Variants in GRIA2 observed in about 807,000 individuals in gnomAD.
GRIA2 encodes glutamate ionotropic receptor AMPA type subunit 2, also known as glutamate receptor 2.
A neutral mutation model predicts 97.3 loss-of-function variants in GRIA2; 14 were observed. The ratio of observed to expected loss-of-function variants is 0.14; its 90% CI spans 0.10 to 0.23. The LOEUF (loss-of-function observed/expected upper bound fraction) is 0.23. Among genes scored for constraint, GRIA2 ranks in the 10% least tolerant of loss-of-function variants. GRIA2 has a pLI of 1.00. For synonymous variants in GRIA2, 412 were observed against 387.8 expected, an observed-to-expected ratio of 1.06 and a Z score of -0.73; for missense variants, 558 against 1,069.8, an observed-to-expected ratio of 0.52 and a Z score of 6.67.
chr4:157,255,118 T>A (rs981477573), intron 2 of GRIA2, among the ~76,000 whole-genome samples: 4 of 151,976 alleles, frequency 2.6e-5, no homozygotes, highest in Admixed American at 2.6e-4. Context: ...CATTCCACAC[T>A]CTATGGCCAT....
intron 2 of GRIA2, among the ~76,000 whole-genome samples, chr4:157,280,771 C>T (rs1033521678): frequency 4.6e-5 from 7 of 151,950 alleles, no homozygotes; most frequent in African/African-American, 1.7e-4. Flanking sequence ...TGTCCCATTG[C>T]TCAAATTAAG....
At position 157,221,790 on chromosome 4, in the gene GRIA2, T is replaced by A; in HGVS notation, c.212T>A (p.Phe71Tyr). Residue 71 changes from phenylalanine (F) to tyrosine (Y), a missense_variant, in exon 2 of 16, where the codon TTC (phenylalanine) becomes TAC (tyrosine). By Grantham distance (22) the Phe-to-Tyr change is conservative (BLOSUM62 3). Coordinates refer to ENST00000264426, the MANE Select transcript of GRIA2 (RefSeq NM_001083619.3). ...HIDNLEVANS[F>Y]AVTNAFCSQF... ...GACAATTTGGAGGTGGCAAACAGCT[T>A]CGCAGTCACTAATGCTTGTAAGTAA... 6.2e-7 allele frequency: 1 copy of A among 1,614,074 alleles called. No individual in the cohort carries two copies. The highest frequency in any genetic ancestry group is 8.5e-7 in the Non-Finnish European group (1 of 1,179,932).
intron 2 of GRIA2, among the ~76,000 whole-genome samples, chr4:157,283,644 T>G: frequency 6.6e-6 from 1 of 151,990 alleles, no homozygotes; most frequent in Non-Finnish European, 1.5e-5. Context: ...TTAGTGGCTT[T>G]AATTCTATTT....
chr4:157,284,458 A>G (rs1481231819), intron 2 of GRIA2, among the ~76,000 whole-genome samples: 1 of 151,538 alleles, frequency 6.6e-6, no homozygotes, highest in Non-Finnish European at 1.5e-5. Flanking sequence ...TCATTTTATT[A>G]AATATGTCAG....
chr4:157,330,390 T>C (rs926368362), intron 6 of GRIA2, among the ~76,000 whole-genome samples: 1 of 151,936 alleles, frequency 6.6e-6, no homozygotes, highest in Admixed American at 6.6e-5. Context: ...ACTTTTTCTT[T>C]GAATATATTT....
At chr4:157,241,661 T>A (rs1174815954) in intron 2 of GRIA2, among the ~76,000 whole-genome samples, 18 of 152,140 alleles carry the variant, frequency 1.2e-4, no homozygotes, top group Admixed American at 1.0e-3. Context: ...TTCATCTGTT[T>A]GGCTGTGTAG....
intron 12 of GRIA2, among the ~76,000 whole-genome samples, chr4:157,345,329 T>G (rs2126959846): frequency 6.6e-6 from 1 of 152,202 alleles, no homozygotes; most frequent in South Asian, 2.1e-4. Context: ...GTCTATGTCT[T>G]CATTTTCTGC....
At chr4:157,334,762 T>C (rs1423427031) in intron 9 of GRIA2, 2 of 151,994 alleles carry the variant, frequency 1.3e-5, no homozygotes, top group Non-Finnish European at 2.9e-5. Context: ...GACAAACTAT[T>C]TTGTTGTATT....
intron 1 of GRIA2, 149 bp downstream of exon 1, chr4:157,221,279 C>G: frequency 3.2e-6 from 2 of 624,520 alleles, no homozygotes; most frequent in Non-Finnish European, 5.7e-6. Context: ...ACATGTTTTT[C>G]TTAGGATGAA....
At chr4:157,250,362 T>C (rs1247282790) in intron 2 of GRIA2, among the ~76,000 whole-genome samples, 1 of 152,144 alleles carries the variant, frequency 6.6e-6, no homozygotes, top group Non-Finnish European at 1.5e-5. Context: ...TTGGGCTGTT[T>C]TCTATCTTAT....
At chr4:157,318,385 A>G (rs1340523233) in intron 5 of GRIA2, among the ~76,000 whole-genome samples, 1 of 152,116 alleles carries the variant, frequency 6.6e-6, no homozygotes, top group Non-Finnish European at 1.5e-5. Flanking sequence ...ATTATTTATG[A>G]CTTCCTACTT....
chr4:157,342,414 C>T (rs920227777), intron 12 of GRIA2: 4 of 983,480 alleles, frequency 4.1e-6, no homozygotes, highest in Non-Finnish European at 4.8e-6. Context: ...AGAACCATGG[C>T]TAATAACAGA....
chr4:157,304,993 C>T (rs1434950350), intron 3 of GRIA2, among the ~76,000 whole-genome samples: 1 of 152,160 alleles, frequency 6.6e-6, no homozygotes, highest in African/African-American at 2.4e-5. Flanking sequence ...CTATGTCCCC[C>T]TGCTTTGAGA....
chr4:157,277,786 A>G (rs1732392203), intron 2 of GRIA2, among the ~76,000 whole-genome samples: 1 of 147,108 alleles, frequency 6.8e-6, no homozygotes, highest in Non-Finnish European at 1.5e-5. Flanking sequence ...ATGAAATACT[A>G]AGGTATGAAT....
chr4:157,289,328 A>G (rs1227171311), intron 2 of GRIA2, among the ~76,000 whole-genome samples: 1 of 151,956 alleles, frequency 6.6e-6, no homozygotes, highest in Non-Finnish European at 1.5e-5. Context: ...GAAAGTAAAC[A>G]TGAGTGCATC....
intron 2 of GRIA2, among the ~76,000 whole-genome samples, chr4:157,274,512 C>T (rs536602168): frequency 5.7e-4 from 80 of 140,638 alleles, no homozygotes; most frequent in African/African-American, 2.1e-3. Context: ...TGCTATCCAT[C>T]CCCCCTCCCC....
At chr4:157,300,247 T>G (rs1203199586) in intron 2 of GRIA2, among the ~76,000 whole-genome samples, 1 of 152,192 alleles carries the variant, frequency 6.6e-6, no homozygotes, top group Admixed American at 6.6e-5. Flanking sequence ...GCAGCTAATA[T>G]TCTTGTGAAA....
chr4:157,225,384 C>T (rs1729696630), intron 2 of GRIA2, among the ~76,000 whole-genome samples: 1 of 151,866 alleles, frequency 6.6e-6, no homozygotes, highest in Non-Finnish European at 1.5e-5. Context: ...TCCTCCCTCC[C>T]TGTCTTCTTA....
intron 6 of GRIA2, among the ~76,000 whole-genome samples, chr4:157,325,821 C>T (rs552399938): frequency 5.3e-4 from 80 of 152,322 alleles, no homozygotes; most frequent in African/African-American, 1.9e-3. Flanking sequence ...CAACCTAAAT[C>T]CCTAGGTAGC....
Sources: allele counts gnomAD v4.1 joint callset (sites outside exome capture counted in the v4.1 genomes callset), GRCh38; gene constraint gnomAD v4.1.1; transcripts MANE v1.5; gene names NCBI Gene and HGNC (gene_info 2026-07-23, HGNC 2026-07-21).